Variants in UBQLN4 observed in about 807,000 individuals in gnomAD.
UBQLN4 encodes the protein ubiquilin-4.
A neutral mutation model predicts 60.4 loss-of-function variants in UBQLN4; 11 were observed. That is an observed-to-expected ratio of 0.18 (90% confidence interval 0.11 to 0.30). The LOEUF (loss-of-function observed/expected upper bound fraction) is 0.30, where lower values mean the gene tolerates loss of function less well. UBQLN4 is among the 10% of genes least tolerant of loss of function. UBQLN4 has a pLI of 1.00. For missense variants in UBQLN4, 417 were observed against 795.5 expected (o/e 0.52, Z 5.72); for synonymous variants, 258 against 313.1 (o/e 0.82, Z 1.86).
chr1:156,053,530 A>T, intron 1 of UBQLN4, 64 bp downstream of exon 1: 3 of 1,088,344 alleles, frequency 2.8e-6, no homozygotes, highest in Non-Finnish European at 3.5e-6. Flanking sequence ...ACCGTCAGAG[A>T]GGCCCCCCAT....
intron 5 of UBQLN4, among the ~76,000 whole-genome samples, chr1:156,045,557 G>A (rs1295228369): frequency 1.3e-5 from 2 of 152,324 alleles, no homozygotes; most frequent in East Asian, 3.9e-4. Context: ...AGTTCTCAAA[G>A]TGTGGTCCTG....
rs547626127 is a variant in UBQLN4, at chr1:156,050,760, G to A, written c.479-207C>T. On this transcript the variant is annotated intron_variant, in intron 3 of 10. Transcript: ENST00000368309. This position sits in a 1 kb window ranked among gnomAD's most constrained non-coding sequence, Gnocchi z 4.6. ...GCTGTGCCAAACATAGAACTGAGCA[G>A]AGAGAAGGCAACCAGCAATGGTCTG... 6.6e-6 allele frequency among the ~76,000 whole-genome samples: 1 copy of A among 152,328 alleles called. No homozygotes were observed. The highest frequency in any genetic ancestry group is 2.1e-4 in the South Asian group (1 of 4,826).
At chr1:156,044,352 G>T in intron 5 of UBQLN4, 129 bp from the exon 6 acceptor site, 1 of 837,484 alleles carries the variant, frequency 1.2e-6, no homozygotes, top group Non-Finnish European at 1.9e-6. Context: ...GACCTTAGAG[G>T]TCCTCAGTTC....
chr1:156,050,149 T>C lies in UBQLN4; in HGVS notation c.741+142A>G, dbSNP rs1683830155. On this transcript the variant is annotated intron_variant, in intron 4 of 10. Coordinates refer to ENST00000368309, the MANE Select transcript of UBQLN4 (RefSeq NM_020131.5). The surrounding 1 kb of genome is among the most constrained non-coding windows in gnomAD (Gnocchi z 4.6). ...CCTGGAATTCCTGAAAAGCTAGGCC[T>C]GTCTTTTCATCCCTGTACCTCCAGT... 2.0e-5 allele frequency: 23 copies of C among 1,172,792 alleles called. No homozygotes were observed. Among genetic ancestry groups the C allele is most frequent in the Non-Finnish European group, 2.5e-5 (22 of 872,538 alleles). 72.6% of individuals were successfully genotyped at this position (1,172,792 alleles called of 1,614,324 possible). A position where few individuals can be genotyped will look rare whatever the true frequency, so the allele number is the denominator to read the frequency against.
In UBQLN4 at chr1:156,051,319, T is replaced by G. The variant is rs1465567777; in HGVS notation, c.269A>C (p.Asp90Ala). 1.9e-6 allele frequency: 3 copies of G among 1,553,772 alleles called. No homozygotes were observed. The highest frequency in any genetic ancestry group is 2.6e-6 in the Non-Finnish European group (3 of 1,147,956). ...GGAAGAAGCAGTGGCAGCAGCTGGA[T>G]CTTGAGCCCTGAGGACAGAGAAAGG... ...LVIKTPQKAQDPAAATASSPS... is the reference protein window; with the variant it reads ...LVIKTPQKAQAPAAATASSPS... The change falls in exon 3 of 11, where the codon GAT becomes GCT. Residue 90 changes from aspartate (D) to alanine (A), a missense_variant. Coordinates refer to ENST00000368309, the MANE Select transcript of UBQLN4 (RefSeq NM_020131.5).
Position 156,041,856 on chromosome 1 carries a change from G to GC in UBQLN4, c.1466+15dup. ...GTTGCTAGAACCTTGCTGCCCTCCT[G>GC]CCCCCCTACCCTCACCTGGGTACCA... On this transcript the variant is annotated intron_variant, in intron 9 of 10. Coordinates refer to ENST00000368309, the MANE Select transcript of UBQLN4 (RefSeq NM_020131.5). The GC allele has an allele frequency of 6.3e-7, 1 of 1,589,740 alleles. No homozygotes were observed. The highest frequency in any genetic ancestry group is 8.5e-7 in the Non-Finnish European group (1 of 1,171,708).
chr1:156,050,758 C>CAG lies in UBQLN4; in HGVS notation c.479-207_479-206dup, dbSNP rs1470916567. ...AGGCTGTGCCAAACATAGAACTGAG[C>CAG]AGAGAGAAGGCAACCAGCAATGGTC... On this transcript the variant is annotated intron_variant, in intron 3 of 10. Coordinates refer to ENST00000368309, the MANE Select transcript of UBQLN4 (RefSeq NM_020131.5). The surrounding 1 kb of genome is among the most constrained non-coding windows in gnomAD (Gnocchi z 4.6). Among the ~76,000 whole-genome samples, 2 of 152,198 alleles carry CAG rather than the reference C, an allele frequency of 1.3e-5. No homozygotes were observed. The highest frequency in any genetic ancestry group is 2.4e-5 in the African/African-American group (1 of 41,440).
intron 7 of UBQLN4, chr1:156,042,490 G>A: frequency 7.5e-7 from 1 of 1,330,886 alleles, no homozygotes; most frequent in Non-Finnish European, 9.8e-7. Context: ...ACATTTCCAG[G>A]TATACAGAAC....
At position 156,051,303 on chromosome 1, in the gene UBQLN4, A is replaced by G. The variant is rs1413181654; in HGVS notation, c.285T>C (p.Thr95=). 1.3e-6 allele frequency: 2 copies of G among 1,557,036 alleles called. No individual in the cohort carries two copies. Among genetic ancestry groups the G allele is most frequent in the Admixed American group, 3.9e-5 (2 of 51,484 alleles). ...GGTCAGGTGTGGAGGGGGAAGAAGC[A>G]GTGGCAGCAGCTGGATCTTGAGCCC... ...PQKAQDPAAA[T]ASSPSTPDPA... Residue 95 remains threonine (T), a synonymous_variant, in exon 3 of 11, where the codon ACT becomes ACC. Coordinates refer to ENST00000368309, the MANE Select transcript of UBQLN4 (RefSeq NM_020131.5).
intron 2 of UBQLN4, 56 bp downstream of exon 2, chr1:156,051,650 A>G (rs1683874457): frequency 6.2e-7 from 1 of 1,607,696 alleles, no homozygotes; most frequent in Non-Finnish European, 8.5e-7. Context: ...TGAGTGAGAA[A>G]GTATCAGATG....
chr1:156,041,392 A>G, intron 10 of UBQLN4, 93 bp downstream of exon 10: 1 of 1,371,390 alleles, frequency 7.3e-7, no homozygotes, highest in East Asian at 2.6e-5. Flanking sequence ...CTGACTCCCA[A>G]GCTTGCCCTA....
downstream of UBQLN4, among the ~76,000 whole-genome samples, chr1:156,031,544 T>C (rs1683296409): frequency 6.6e-6 from 1 of 152,124 alleles, no homozygotes; most frequent in South Asian, 2.1e-4. Context: ...AATACTCATA[T>C]GCTCTTAAAC....
chr1:156,052,293 C>T (rs1683892564), intron 1 of UBQLN4, among the ~76,000 whole-genome samples: 1 of 152,180 alleles, frequency 6.6e-6, no homozygotes, highest in Admixed American at 6.5e-5. Flanking sequence ...ACCTATTCAC[C>T]AGTTAAAGAT....
In UBQLN4 at chr1:156,050,572, G is replaced by A. The variant is rs1037161462; in HGVS notation, c.479-19C>T. The A allele has an allele frequency of 6.3e-7, 1 of 1,592,354 alleles. No individual in the cohort carries two copies. The highest frequency in any genetic ancestry group is 1.3e-5 in the African/African-American group (1 of 74,552). On this transcript the variant is annotated intron_variant, in intron 3 of 10. Coordinates refer to ENST00000368309, the MANE Select transcript of UBQLN4 (RefSeq NM_020131.5). This position sits in a 1 kb window ranked among gnomAD's most constrained non-coding sequence, Gnocchi z 4.6. ...AAGCCAGCTGTGGGAAGGGGGCAGG[G>A]TCACAGTCTGCCACAAGAACAGTGT...
In UBQLN4 at chr1:156,051,230, G is replaced by A; in HGVS notation, c.358C>T (p.Gln120Ter). 6.2e-7 allele frequency: 1 copy of A among 1,605,120 alleles called. No individual in the cohort carries two copies. Among genetic ancestry groups the A allele is most frequent in the Non-Finnish European group, 8.5e-7 (1 of 1,175,504 alleles). Reference sequence around the variant, plus strand: ...GAGGCACTGCCAGAGGTGGAGGGCTGGGCAGGGGTGGCGGGTGAAGCAGGC... The same window carrying A: ...GAGGCACTGCCAGAGGTGGAGGGCTAGGCAGGGGTGGCGGGTGAAGCAGGC... ...TTPASPATPA[Q>*]PSTSGSASSD... The change falls in exon 3 of 11, where the codon CAG becomes TAG. Residue 120 changes from glutamine (Q) to a stop codon, truncating the protein, a stop_gained. Coordinates refer to ENST00000368309, the MANE Select transcript of UBQLN4 (RefSeq NM_020131.5). LOFTEE classifies it high-confidence loss of function.
chr1:156,035,053 G>C (rs934891500), downstream of UBQLN4, among the ~76,000 whole-genome samples: 2 of 150,618 alleles, frequency 1.3e-5, no homozygotes, highest in African/African-American at 4.9e-5. Flanking sequence ...ATTTTTCGTA[G>C]AGACAAGGTC....
rs1381913962 is a variant in UBQLN4, at chr1:156,036,652, G to A, written c.*326C>T. 16 of 1,056,440 alleles carry A rather than the reference G, an allele frequency of 1.5e-5. No individual in the cohort carries two copies. The highest frequency in any genetic ancestry group is 1.5e-4 in the East Asian group (2 of 13,246). 65.4% of individuals were successfully genotyped at this position (1,056,440 alleles called of 1,614,324 possible). ...AAACCAGAGAGCTGGTTCCTCCCTC[G>A]ACTCTGCACAGCCACTGAAAGTTTA... is the stretch of plus-strand genomic sequence containing the variant. On this transcript the variant is annotated 3_prime_UTR_variant, in exon 11 of 11. Coordinates refer to ENST00000368309, the MANE Select transcript of UBQLN4 (RefSeq NM_020131.5).
chr1:156,044,473 C>A (rs1001034282), intron 5 of UBQLN4, among the ~76,000 whole-genome samples: 3 of 152,104 alleles, frequency 2.0e-5, no homozygotes, highest in Non-Finnish European at 4.4e-5. Flanking sequence ...CTTCCCATCC[C>A]CCCGGTGGCT....
chr1:156,051,594 T>C, intron 2 of UBQLN4, 112 bp downstream of exon 2: 2 of 1,477,314 alleles, frequency 1.4e-6, no homozygotes, highest in Non-Finnish European at 1.8e-6. Context: ...ATCCAGGAGC[T>C]ACCTGCCTGG....
Sources: gnomAD v4.1 joint callset for allele counts (sites outside exome capture counted in the v4.1 genomes callset) on GRCh38, gnomAD v4.1.1 for gene constraint, Gnocchi (gnomAD v3.1) non-coding constraint, MANE v1.5 for transcripts, NCBI Gene and HGNC (gene_info 2026-07-23, HGNC 2026-07-21) for gene names.